Variants in TBCD observed in about 807,000 individuals in gnomAD.
TBCD encodes tubulin-specific chaperone D.
In TBCD, 105 loss-of-function variants were observed where a neutral mutation model predicts 169.3. The observed-to-expected ratio is 0.62, with a 90% CI of 0.53 to 0.73. The LOEUF is 0.73. Among genes scored for constraint, TBCD ranks in the 30% least tolerant of loss-of-function variants. The pLI is 0.00. For synonymous variants in TBCD, 700 were observed against 643.9 expected (o/e 1.09, Z -1.32); for missense variants, 1,444 against 1,600.1 (o/e 0.90, Z 1.66).
Position 82,920,534 on chromosome 17 carries a change from T to C in TBCD, c.2039-22T>C. ...TTTTAGAAAAGTAACATTGCGTCTA[T>C]CCTTTTTTTTTTTTTTTCCAGTGTG... On this transcript the variant is annotated intron_variant, in intron 23 of 38. Transcript: ENST00000355528. This position sits in a 1 kb window ranked among gnomAD's most constrained non-coding sequence, Gnocchi z 4.1. 6.6e-7 allele frequency: 1 copy of C among 1,504,726 alleles called. No homozygotes were observed. The highest frequency in any genetic ancestry group is 8.8e-7 in the Non-Finnish European group (1 of 1,135,176). The allele number at this position is 1,504,726 out of a possible 1,614,324, so 93.2% of individuals were successfully genotyped here.
Position 82,929,436 on chromosome 17 carries a change from C to T in TBCD, c.2927C>T (p.Pro976Leu). The change falls in exon 32 of 39, where the codon CCC becomes CTC. Residue 976 changes from proline (P) to leucine (L), a missense_variant. Coordinates refer to ENST00000355528, the MANE Select transcript of TBCD (RefSeq NM_005993.5). Reference protein sequence around the residue: ...FPRITQLLGLPTYRYHVLLGL... With the variant: ...FPRITQLLGLLTYRYHVLLGL... Reference sequence around the variant, plus strand: ...CGCATCACCCAGCTCCTTGGGCTGCCCACCTACCGCTACCACGTCCTGCTG... The same window carrying T: ...CGCATCACCCAGCTCCTTGGGCTGCTCACCTACCGCTACCACGTCCTGCTG... 1 of 1,612,260 alleles carries T rather than the reference C, an allele frequency of 6.2e-7. No homozygotes were observed. The highest frequency in any genetic ancestry group is 8.5e-7 in the Non-Finnish European group (1 of 1,179,878).
chr17:82,810,720 C>T (rs1006394988), intron 12 of TBCD, among the ~76,000 whole-genome samples: 1 of 152,206 alleles, frequency 6.6e-6, no homozygotes, highest in Non-Finnish European at 1.5e-5. Context: ...CGAGAGCAGG[C>T]GTCCAGCTTG....
At chr17:82,783,760 AGT>A (rs1312845586) in intron 7 of TBCD, among the ~76,000 whole-genome samples, 9 of 152,166 alleles carry the variant, frequency 5.9e-5, no homozygotes, top group Admixed American at 5.9e-4. Context: ...TCCATATGCC[AGT>A]GTGTGGGTAT....
At position 82,762,547 on chromosome 17, in the gene TBCD, A is replaced by G. The variant is rs534382269; in HGVS notation, c.236-1418A>G. Among the ~76,000 whole-genome samples the G allele has an allele frequency of 2.6e-5, 4 of 151,794 alleles. No individual in the cohort carries two copies. The East Asian group carries it at 7.8e-4, about 29-fold the overall frequency. ...GTGGATTGCCTGAGCTCAGGAGCTC[A>G]AGACCAGCCTGGGCAACATGGTAAA... On this transcript the variant is annotated intron_variant, in intron 2 of 38. Transcript: ENST00000355528.
At chr17:82,752,572 C>T (rs2047159923) in intron 1 of TBCD, among the ~76,000 whole-genome samples, 195 bp downstream of exon 1, 1 of 152,060 alleles carries the variant, frequency 6.6e-6, no homozygotes, top group Non-Finnish European at 1.5e-5. Context: ...GCGTTAGGTG[C>T]ACGGGGCAGA....
At chr17:82,774,684 C>G (rs867551249) in intron 6 of TBCD, among the ~76,000 whole-genome samples, 2 of 152,180 alleles carry the variant, frequency 1.3e-5, no homozygotes, top group Non-Finnish European at 2.9e-5. Flanking sequence ...GGCTGCCCCC[C>G]ACCCGAGTGT....
intron 23 of TBCD, 101 bp downstream of exon 23, chr17:82,911,890 G>A (rs2060671522): frequency 2.4e-6 from 3 of 1,248,548 alleles, no homozygotes; most frequent in Non-Finnish European, 3.5e-6. Flanking sequence ...AGCCCCCAGG[G>A]TGAAGGGCTG....
intron 13 of TBCD, chr17:82,830,659 T>C (rs60139844): frequency 6.2e-7 from 1 of 1,613,174 alleles, no homozygotes; most frequent in Admixed American, 1.7e-5. Flanking sequence ...CACCGAGAGA[T>C]TGAGTGGAAG....
At chr17:82,939,174 G>T in intron 36 of TBCD, 193 bp from the exon 37 acceptor site, 4 of 617,896 alleles carry the variant, frequency 6.5e-6, no homozygotes, top group Non-Finnish European at 1.2e-5. Flanking sequence ...TCTGTGGAGG[G>T]AGGAGGTGGT....
chr17:82,820,317 A>G (rs1006271074), intron 13 of TBCD, among the ~76,000 whole-genome samples: 1 of 152,248 alleles, frequency 6.6e-6, no homozygotes, highest in South Asian at 2.1e-4. Context: ...TGTGCTCCTT[A>G]TTATGCATTT....
At chr17:82,908,489 C>T (rs1028948956) in intron 21 of TBCD, 1 of 407,288 alleles carries the variant, frequency 2.5e-6, no homozygotes, top group Non-Finnish European at 4.9e-6. Context: ...AAAAATTGTT[C>T]ACGAGGGATT....
intron 1 of TBCD, among the ~76,000 whole-genome samples, chr17:82,753,642 G>T (rs376859840): frequency 7.8e-4 from 116 of 149,508 alleles, no homozygotes; most frequent in Middle Eastern, 7.1e-3. Context: ...TTTTAGTAGA[G>T]GGGGTTTCAC....
intron 35 of TBCD, 48 bp downstream of exon 35, chr17:82,937,408 C>G: frequency 6.4e-7 from 1 of 1,566,656 alleles, no homozygotes. Flanking sequence ...AGGGCGCAGC[C>G]TCCCTTGGCT....
At position 82,801,698 on chromosome 17, in the gene TBCD, C is replaced by T. The variant is rs372931612; in HGVS notation, c.950+702C>T. 1.6e-3 allele frequency among the ~76,000 whole-genome samples: 151 copies of T among 94,050 alleles called. 4 individuals are homozygous for T. In the East Asian group the frequency reaches 0.046, roughly 28 times the overall value. 61.7% of individuals were successfully genotyped at this position (94,050 alleles called of 152,430 possible). On this transcript the variant is annotated intron_variant, in intron 9 of 38. Transcript: ENST00000355528. ...CAGCGTGGCAGGAGGGCGGCGTGTG[C>T]GTTGTGTGGCTCGGAGTCAGCGTGG...
intron 35 of TBCD, chr17:82,937,817 C>G (rs1441328832): frequency 6.9e-6 from 10 of 1,444,400 alleles, no homozygotes; most frequent in Non-Finnish European, 8.3e-6. Flanking sequence ...TGCAGGAGAT[C>G]CTCTGTGAGG....
Position 82,768,646 on chromosome 17 carries a change from G to A in TBCD, c.582+80G>A, listed in dbSNP as rs185175534. The A allele has an allele frequency of 8.7e-6, 13 of 1,494,302 alleles. No homozygotes were observed. In the East Asian group the frequency reaches 9.3e-5, roughly 11 times the overall value. 92.6% of individuals were successfully genotyped at this position (1,494,302 alleles called of 1,614,324 possible). On this transcript the variant is annotated intron_variant, in intron 5 of 38. Transcript: ENST00000355528. ...CTGTCTTGATGTTAGTGGTTTACTC[G>A]GTAAGCTTCTGATATGTATTCAACT...
At chr17:82,925,900 G>A (rs969666681) in intron 27 of TBCD, among the ~76,000 whole-genome samples, 1 of 151,954 alleles carries the variant, frequency 6.6e-6, no homozygotes, top group Non-Finnish European at 1.5e-5. Context: ...CTGGGGTGGG[G>A]GCTGGCCGTG....
chr17:82,803,301 A>G (rs1179393630), intron 9 of TBCD, among the ~76,000 whole-genome samples: 1 of 152,174 alleles, frequency 6.6e-6, no homozygotes, highest in East Asian at 1.9e-4. Context: ...CTTAGGTGAA[A>G]GTCACGGCTT....
At chr17:82,895,189 T>C (rs1038822086) in intron 17 of TBCD, among the ~76,000 whole-genome samples, 1 of 152,250 alleles carries the variant, frequency 6.6e-6, no homozygotes, top group African/African-American at 2.4e-5. Flanking sequence ...TTCCTCACGA[T>C]GCCAGGCCCT....
Sources: gnomAD v4.1 joint callset for allele counts (sites outside exome capture counted in the v4.1 genomes callset) on GRCh38, gnomAD v4.1.1 for gene constraint, Gnocchi (gnomAD v3.1) non-coding constraint, MANE v1.5 for transcripts, NCBI Gene and HGNC (gene_info 2026-07-23, HGNC 2026-07-21) for gene names.